The following SDHC variants were observed in gnomAD, a reference collection of about 807,000 sequenced individuals.
SDHC encodes succinate dehydrogenase cytochrome b560 subunit, mitochondrial.
Under a neutral mutation model 22.6 loss-of-function variants are expected in SDHC, and 11 were observed. That is an observed-to-expected ratio of 0.49 (90% CI 0.31 to 0.81). The LOEUF (loss-of-function observed/expected upper bound fraction) is 0.81, where lower values mean the gene tolerates loss of function less well. Ranked by LOEUF, SDHC falls within the 30% of genes least tolerant of loss-of-function variation. SDHC has a pLI of 0.05. For synonymous variants in SDHC, 80 were observed against 77.8 expected (o/e 1.03, Z -0.15); for missense variants, 160 against 212.0 (o/e 0.75, Z 1.52).
At chr1:161,341,193 A>G (rs531995235) in intron 4 of SDHC, among the ~76,000 whole-genome samples, 63 of 152,248 alleles carry the variant, frequency 4.1e-4, no homozygotes, top group African/African-American at 1.3e-3. Context: ...TCCTGATATC[A>G]TGTTTATTGA....
chr1:161,339,137 C>T (rs116601080), intron 3 of SDHC, among the ~76,000 whole-genome samples: 5,444 of 152,214 alleles, frequency 0.036, 147 homozygotes, highest in Non-Finnish European at 0.052. Context: ...CGTGAGCCAC[C>T]GTGCCCGGCC....
At chr1:161,315,845 G>A (rs1257635074) in intron 1 of SDHC, among the ~76,000 whole-genome samples, 2 of 152,222 alleles carry the variant, frequency 1.3e-5, no homozygotes, top group African/African-American at 2.4e-5. Context: ...AGCATACAGA[G>A]GATCCCCGCC....
intron 5 of SDHC, among the ~76,000 whole-genome samples, chr1:161,358,782 C>T (rs1214194856): frequency 1.3e-5 from 2 of 151,780 alleles, no homozygotes; most frequent in Non-Finnish European, 2.9e-5. Context: ...CAAAATTAGC[C>T]GGGCATGGTG....
At chr1:161,349,236 G>A (rs908120329) in intron 4 of SDHC, among the ~76,000 whole-genome samples, 1 of 152,150 alleles carries the variant, frequency 6.6e-6, no homozygotes, top group Non-Finnish European at 1.5e-5. Context: ...GCCAAGGCAG[G>A]TGGATTGCTT....
intron 5 of SDHC, among the ~76,000 whole-genome samples, chr1:161,361,070 G>A (rs1661375966): frequency 1.3e-5 from 2 of 152,102 alleles, no homozygotes; most frequent in Non-Finnish European, 2.9e-5. Context: ...CCAAGATGGC[G>A]CCACTGGAGT....
At chr1:161,342,796 C>G (rs1017020486) in intron 4 of SDHC, among the ~76,000 whole-genome samples, 48 of 152,080 alleles carry the variant, frequency 3.2e-4, no homozygotes, top group Non-Finnish European at 1.2e-4. Context: ...TGCCTGGCCC[C>G]TTGGTATATC....
intron 4 of SDHC, among the ~76,000 whole-genome samples, chr1:161,345,747 C>T (rs1268762571): frequency 1.3e-5 from 2 of 152,020 alleles, no homozygotes; most frequent in African/African-American, 4.8e-5. Flanking sequence ...TGAGCCACTG[C>T]GCCTGGCAGT....
chr1:161,323,815 C>T, intron 2 of SDHC, 145 bp downstream of exon 2: 1 of 559,148 alleles, frequency 1.8e-6, no homozygotes, highest in Middle Eastern at 5.0e-4. Flanking sequence ...CCTGCCTCAG[C>T]CTCCTGAGTA....
chr1:161,316,042 G>A (rs924542753), intron 1 of SDHC, among the ~76,000 whole-genome samples: 1 of 152,146 alleles, frequency 6.6e-6, no homozygotes, highest in Non-Finnish European at 1.5e-5. Context: ...GAGCAGTATT[G>A]CTGCCCACAT....
At chr1:161,346,964 GAAAA>G (rs565480158) in intron 4 of SDHC, among the ~76,000 whole-genome samples, 1 of 150,892 alleles carries the variant, frequency 6.6e-6, no homozygotes, top group Non-Finnish European at 1.5e-5. Context: ...ATAATAACAA[GAAAA>G]AAAAAGTGTA....
intron 4 of SDHC, among the ~76,000 whole-genome samples, chr1:161,341,719 AC>A (rs762282370): frequency 4.9e-4 from 75 of 152,144 alleles, no homozygotes; most frequent in Non-Finnish European, 6.8e-4. Flanking sequence ...TTGCTCTCCT[AC>A]CCCCACCAAA....
chr1:161,314,403 A>G lies in SDHC; in HGVS notation c.-3A>G, dbSNP rs373136782. ...GTCACTTCCGTCCAGACCGGAACCC[A>G]AGATGGCTGCGCTGTTGCTGAGGTG... On this transcript the variant is annotated 5_prime_UTR_variant, in exon 1 of 6. Coordinates refer to ENST00000367975, the MANE Select transcript of SDHC (RefSeq NM_003001.5). 64 of 1,613,898 alleles carry G rather than the reference A, an allele frequency of 4.0e-5. No homozygotes were observed. Among genetic ancestry groups the G allele is most frequent in the Non-Finnish European group, 5.1e-5 (60 of 1,180,000 alleles).
At chr1:161,360,237 AAGAG>A (rs112943371) in intron 5 of SDHC, among the ~76,000 whole-genome samples, 16,354 of 152,058 alleles carry the variant, frequency 0.11, 1,001 homozygotes, top group African/African-American at 0.15. Flanking sequence ...CCTAAGACAC[AAGAG>A]AGTCAAAATT....
At chr1:161,331,273 T>G (rs1210538843) in intron 3 of SDHC, among the ~76,000 whole-genome samples, 1 of 147,548 alleles carries the variant, frequency 6.8e-6, no homozygotes, top group African/African-American at 2.5e-5. Flanking sequence ...ATGAATATCC[T>G]TTTTTTTTTG....
At chr1:161,339,667 T>TTTTTTTTTTTTTTG (rs1671643512) in intron 3 of SDHC, 1 of 236,388 alleles carries the variant, frequency 4.2e-6, no homozygotes, top group Non-Finnish European at 6.7e-6. Flanking sequence ...CAGGTGTTTT[T>TTTTTTTTTTTTTTG]TTTTTTTTTT....
At chr1:161,316,934 C>A (rs556452145) in intron 1 of SDHC, among the ~76,000 whole-genome samples, 1 of 151,818 alleles carries the variant, frequency 6.6e-6, no homozygotes, top group South Asian at 2.1e-4. Flanking sequence ...TTGCAAACGG[C>A]AATAACTTGG....
chr1:161,350,369 T>G (rs944432077), intron 4 of SDHC, among the ~76,000 whole-genome samples: 2 of 152,178 alleles, frequency 1.3e-5, no homozygotes, highest in African/African-American at 4.8e-5. Flanking sequence ...ACCTTTTTGC[T>G]GTGTATGGGG....
rs376814090 is a variant in SDHC, at chr1:161,362,576, G to C, written c.*143G>C. On this transcript the variant is annotated 3_prime_UTR_variant, in exon 6 of 6. Transcript: ENST00000367975. The stretch of plus-strand genomic sequence containing the variant: ...ATTTTCAGATCTCCTTGGAGCAGTA[G>C]AGTACCTGGTAGACCATAATAGTGG... 8.7e-6 allele frequency: 14 copies of C among 1,608,604 alleles called. No homozygotes were observed. Among genetic ancestry groups the C allele is most frequent in the Admixed American group, 5.0e-5 (3 of 59,644 alleles).
chr1:161,318,776 G>A (rs1670723454), intron 1 of SDHC, among the ~76,000 whole-genome samples: 1 of 152,118 alleles, frequency 6.6e-6, no homozygotes, highest in Non-Finnish European at 1.5e-5. Context: ...GCTCATGCCT[G>A]TAATGCCAGC....
Sources: gnomAD v4.1 joint callset for allele counts (sites outside exome capture counted in the v4.1 genomes callset) on GRCh38, gnomAD v4.1.1 for gene constraint, MANE v1.5 for transcripts, NCBI Gene and HGNC (gene_info 2026-07-23, HGNC 2026-07-21) for gene names.